DBNDD2: variants seen among roughly 807,000 people sequenced by gnomAD.
The protein encoded by DBNDD2 is dysbindin domain-containing protein 2.
Under a neutral mutation model 14.0 loss-of-function variants are expected in DBNDD2, and 8 were observed. The observed-to-expected ratio is 0.57, with a 90% confidence interval of 0.33 to 1.03. The LOEUF is 1.03. Among genes scored for constraint, DBNDD2 ranks in the 50% least tolerant of loss-of-function variants. The probability of loss-of-function intolerance (pLI) is 0.03; values close to 1 mark genes in which losing one functional copy is unlikely to be tolerated. For synonymous variants in DBNDD2, 94 were observed against 85.3 expected, an observed-to-expected ratio of 1.10 and a Z score of -0.56; for missense variants, 194 against 206.0, an observed-to-expected ratio of 0.94 and a Z score of 0.36.
chr20:45,408,561 G>C lies in DBNDD2; in HGVS notation c.94G>C (p.Glu32Gln). Reference protein sequence around the residue: ...FFEDILQPETEFVFPLSHLHL... With the variant: ...FFEDILQPETQFVFPLSHLHL... ...CGAGGACATTTTACAGCCAGAGACAGAGTTTGTCTTTCCTCTGTCCCATCT... is the reference window on the plus strand; with the variant it reads ...CGAGGACATTTTACAGCCAGAGACACAGTTTGTCTTTCCTCTGTCCCATCT... The change falls in exon 1 of 3, where the codon GAG becomes CAG. Residue 32 changes from glutamate (E) to glutamine (Q), a missense_variant. Transcript: ENST00000372710. 6.2e-7 allele frequency: 1 copy of C among 1,614,254 alleles called. No individual in the cohort carries two copies. The highest frequency in any genetic ancestry group is 8.5e-7 in the Non-Finnish European group (1 of 1,180,038).
intron 1 of DBNDD2, 59 bp from the exon 2 acceptor site, chr20:45,408,740 ACT>A (rs1473531417): frequency 6.3e-7 from 1 of 1,584,206 alleles, no homozygotes; most frequent in Non-Finnish European, 8.7e-7. Context: ...CTGACATGTA[ACT>A]CTCACTGTCC....
In DBNDD2 at chr20:45,408,322, C is replaced by T. The variant is rs1181921921; in HGVS notation, c.-146C>T. On this transcript the variant is annotated 5_prime_UTR_variant, in exon 1 of 3. Coordinates refer to ENST00000372710, the MANE Select transcript of DBNDD2 (RefSeq NM_001048225.4). The stretch of plus-strand genomic sequence containing the variant: ...TTTCAGGGAAGGGGAAAGAGGTCAC[C>T]AAGGGCAGAGGTGTCCAGGCCGGAG... 12 of 1,592,276 alleles carry T rather than the reference C, an allele frequency of 7.5e-6. No individual in the cohort carries two copies. The highest frequency in any genetic ancestry group is 1.0e-5 in the Non-Finnish European group (12 of 1,169,258).
At position 45,408,950 on chromosome 20, in the gene DBNDD2, T is replaced by C. The variant is rs753908712; in HGVS notation, c.277+12T>C. On this transcript the variant is annotated intron_variant, in intron 2 of 2. Transcript: ENST00000372710. The stretch of plus-strand genomic sequence containing the variant: ...CCCCCAGTCGTCTGGTATGCCCCTC[T>C]GCTTTGGGGACTTCAGTGCCAGTCA... 30 of 1,614,062 alleles carry C rather than the reference T, an allele frequency of 1.9e-5. No homozygotes were observed. Among genetic ancestry groups the C allele is most frequent in the Non-Finnish European group, 2.5e-5 (29 of 1,180,042 alleles).
Position 45,409,989 on chromosome 20 carries a change from C to T in DBNDD2, c.335C>T (p.Thr112Ile). The T allele has an allele frequency of 1.3e-6, 2 of 1,551,890 alleles. No individual in the cohort carries two copies. The highest frequency in any genetic ancestry group is 1.7e-6 in the Non-Finnish European group (2 of 1,147,044). Residue 112 changes from threonine (T) to isoleucine (I), a missense_variant, in exon 3 of 3, where the codon ACA becomes ATA. Thr to Ile is a moderately conservative substitution (Grantham distance 89). Coordinates refer to ENST00000372710, the MANE Select transcript of DBNDD2 (RefSeq NM_001048225.4). ...SLPVPTSDRT[T>I]SRTSSSSSSD... ...CCGGTGCCTACATCAGACAGGACCA[C>T]ATCTAGGACCTCCTCCTCCTCCTCC...
chr20:45,410,059 T>A lies in DBNDD2; in HGVS notation c.405T>A (p.Asp135Glu). Residue 135 changes from aspartate (D) to glutamate (E), a missense_variant, in exon 3 of 3, where the codon GAT becomes GAA. Transcript: ENST00000372710. ...TGCATAGCCCAAATCCAAGTGATGATGGAGCAGATACGCCCTTGGCACAGT... is the reference window on the plus strand; with the variant it reads ...TGCATAGCCCAAATCCAAGTGATGAAGGAGCAGATACGCCCTTGGCACAGT... ...TNLHSPNPSD[D>E]GADTPLAQSD... 1 of 1,554,540 alleles carries A rather than the reference T, an allele frequency of 6.4e-7. No individual in the cohort carries two copies. Among genetic ancestry groups the A allele is most frequent in the Non-Finnish European group, 8.7e-7 (1 of 1,148,378 alleles).
At chr20:45,406,395 A>T (rs1989377159), upstream of DBNDD2, 2 of 1,435,536 alleles carry the variant, frequency 1.4e-6, no homozygotes, top group Non-Finnish European at 1.9e-6. Flanking sequence ...AGACTAGCGC[A>T]CCGGCGTCGG....
upstream of DBNDD2, chr20:45,406,566 C>T (rs774496791): frequency 3.4e-6 from 5 of 1,489,778 alleles, no homozygotes; most frequent in South Asian, 6.4e-5. Context: ...GCCCCTCCCC[C>T]ACTTCCGCCT....
In DBNDD2 at chr20:45,410,153, G is replaced by C. The variant is rs1281645799; in HGVS notation, c.*13G>C. 1.9e-6 allele frequency: 3 copies of C among 1,551,562 alleles called. 1 individual carries two copies. The highest frequency in any genetic ancestry group is 2.6e-6 in the Non-Finnish European group (3 of 1,146,994). ...AGCCTGCAGCTAGCAGTGGGCCCCT[G>C]CCTACAGACTGACCACGCTGGCTAT... On this transcript the variant is annotated 3_prime_UTR_variant, in exon 3 of 3. Coordinates refer to ENST00000372710, the MANE Select transcript of DBNDD2 (RefSeq NM_001048225.4).
At chr20:45,406,512 G>A (rs1344939955), upstream of DBNDD2, 5 of 1,523,522 alleles carry the variant, frequency 3.3e-6, no homozygotes, top group African/African-American at 4.3e-5. Flanking sequence ...CGCAGGGGCT[G>A]CCTCCGACCG....
At position 45,410,405 on chromosome 20, in the gene DBNDD2, C is replaced by G. The variant is rs1989781332; in HGVS notation, c.*265C>G. 1 of 476,756 alleles carries G rather than the reference C, an allele frequency of 2.1e-6. No individual in the cohort carries two copies. The allele number at this position is 476,756 out of a possible 1,614,324, so 29.5% of individuals were successfully genotyped here. On this transcript the variant is annotated 3_prime_UTR_variant, in exon 3 of 3. Transcript: ENST00000372710. ...TGAGGAGAGAGAAGATGAGGTTGGA[C>G]AAGATGCCACTGCTTTTCTTAGCAC...
At chr20:45,406,814 G>T, upstream of DBNDD2, 1 of 1,226,210 alleles carries the variant, frequency 8.2e-7, no homozygotes, top group African/African-American at 1.6e-5. Context: ...GGCCTTGGGG[G>T]AGCGCCCTCC....
intron 1 of DBNDD2, 59 bp from the exon 2 acceptor site, chr20:45,408,742 T>C (rs1415851826): frequency 1.3e-6 from 2 of 1,585,972 alleles, no homozygotes; most frequent in East Asian, 4.5e-5. Context: ...GACATGTAAC[T>C]CTCACTGTCC....
chr20:45,406,229 G>T (rs1989357880), upstream of DBNDD2: 1 of 524,314 alleles, frequency 1.9e-6, no homozygotes, highest in Non-Finnish European at 3.4e-6. Context: ...GGCGAGTGTG[G>T]CCAAGGGTGC....
chr20:45,406,616 TC>T (rs907439020), upstream of DBNDD2: 27 of 1,421,032 alleles, frequency 1.9e-5, 1 homozygote, highest in African/African-American at 3.8e-4. Context: ...GGCCCGTCGG[TC>T]CCCCGGGAGC....
chr20:45,407,230 C>A, upstream of DBNDD2: 1 of 804,376 alleles, frequency 1.2e-6, no homozygotes, highest in Non-Finnish European at 1.5e-6. Flanking sequence ...TGGGCGGCAG[C>A]TCTAAGAGCC....
rs1989769985 is a variant in DBNDD2 at position 45,410,150 on chromosome 20, C to T, written c.*10C>T. ...TGGAGCCTGCAGCTAGCAGTGGGCCCCTGCCTACAGACTGACCACGCTGGC... is the reference window on the plus strand; with the variant it reads ...TGGAGCCTGCAGCTAGCAGTGGGCCTCTGCCTACAGACTGACCACGCTGGC... On this transcript the variant is annotated 3_prime_UTR_variant, in exon 3 of 3. Transcript: ENST00000372710. The T allele has an allele frequency of 6.4e-7, 1 of 1,551,548 alleles. No homozygotes were observed. The highest frequency in any genetic ancestry group is 1.4e-5 in the African/African-American group (1 of 73,156).
At chr20:45,407,644 C>T, upstream of DBNDD2, 1 of 989,052 alleles carries the variant, frequency 1.0e-6, no homozygotes, top group Non-Finnish European at 1.2e-6. Flanking sequence ...AATTGCTCCT[C>T]ACTGACTAAT....
intron 2 of DBNDD2, 37 bp downstream of exon 2, chr20:45,408,975 AGC>A: frequency 6.2e-7 from 1 of 1,614,130 alleles, no homozygotes; most frequent in Non-Finnish European, 8.5e-7. Context: ...AGTGCCAGTC[AGC>A]CAGAGCCGGA....
Position 45,408,812 on chromosome 20 carries a change from A to T in DBNDD2, c.151A>T (p.Ser51Cys). 6.2e-7 allele frequency: 1 copy of T among 1,614,026 alleles called. No homozygotes were observed. The highest frequency in any genetic ancestry group is 8.5e-7 in the Non-Finnish European group (1 of 1,179,898). Residue 51 changes from serine (S) to cysteine (C), a missense_variant, in exon 2 of 3, where the codon AGT (serine) becomes TGT (cysteine). Transcript: ENST00000372710. ...TTCTTGATCCGCAGCCCCCATAGGTAGTATCTCATCCATGGAAGTGAATGT... is the reference window on the plus strand; with the variant it reads ...TTCTTGATCCGCAGCCCCCATAGGTTGTATCTCATCCATGGAAGTGAATGT... Reference protein sequence around the residue: ...HLESQRPPIGSISSMEVNVDT... With the variant: ...HLESQRPPIGCISSMEVNVDT...
Sources: gnomAD v4.1 joint callset for allele counts on GRCh38, gnomAD v4.1.1 for gene constraint, MANE v1.5 for transcripts, NCBI Gene and HGNC (gene_info 2026-07-23, HGNC 2026-07-21) for gene names.